ANKRD11: variants seen among roughly 807,000 people sequenced by gnomAD.
ANKRD11 encodes the protein ankyrin repeat domain-containing protein 11.
Under a neutral mutation model 195.7 loss-of-function variants are expected in ANKRD11, and 17 were observed. That is an observed-to-expected ratio of 0.09 (90% CI 0.06 to 0.13). The LOEUF is 0.13. Among genes scored for constraint, ANKRD11 ranks in the 10% least tolerant of loss-of-function variants. The probability of loss-of-function intolerance (pLI) is 1.00; values close to 1 mark genes in which losing one functional copy is unlikely to be tolerated. For missense variants in ANKRD11, 3,735 were observed against 3,566.1 expected, an observed-to-expected ratio of 1.05 and a Z score of -1.21; for synonymous variants, 1,953 against 1,528.1, an observed-to-expected ratio of 1.28 and a Z score of -6.49.
chr16:89,284,503 G>C lies in ANKRD11; in HGVS notation c.2039C>G (p.Thr680Ser), dbSNP rs145694621. Residue 680 changes from threonine to serine, a missense_variant, in exon 9 of 13, where the codon ACT (threonine) becomes AGT (serine). Physicochemically the swap from Thr to Ser is moderately conservative, Grantham distance 58. Coordinates refer to ENST00000301030, the MANE Select transcript of ANKRD11 (RefSeq NM_013275.6). ...CTTTAACACTTTTAGCTTGTTTTCA[G>C]TGGAAAGATCATTCTCTAACAGTAT... ...KAILLENDLS[T>S]ENKLKVLKHD... 24,790 of 1,613,962 alleles carry C rather than the reference G, an allele frequency of 0.015. 245 individuals are homozygous for C. The highest frequency in any genetic ancestry group is 0.018 in the Non-Finnish European group (21,242 of 1,180,010).
chr16:89,302,628 G>C (rs867525092), intron 4 of ANKRD11, among the ~76,000 whole-genome samples: 11 of 152,130 alleles, frequency 7.2e-5, no homozygotes, highest in Admixed American at 3.3e-4. Flanking sequence ...TCATACATCA[G>C]AACAATCTTC....
chr16:89,446,851 G>T (rs926499384), intron 1 of ANKRD11, among the ~76,000 whole-genome samples: 7 of 152,056 alleles, frequency 4.6e-5, no homozygotes, highest in Non-Finnish European at 1.0e-4. Flanking sequence ...GGGGCACAGA[G>T]GCTCTCGCCA....
At chr16:89,427,523 G>C (rs1020760124) in intron 1 of ANKRD11, among the ~76,000 whole-genome samples, 1 of 152,210 alleles carries the variant, frequency 6.6e-6, no homozygotes, top group Non-Finnish European at 1.5e-5. Flanking sequence ...AGGGGCCGGG[G>C]TGGTGGCTCA....
At chr16:89,316,833 C>T (rs914559523) in intron 3 of ANKRD11, 100 bp downstream of exon 3, 122 of 1,408,500 alleles carry the variant, frequency 8.7e-5, no homozygotes, top group Non-Finnish European at 9.2e-5. Flanking sequence ...AGGAAAGGGC[C>T]GGAGGGCGGA....
At chr16:89,478,459 A>G (rs1045633688) in intron 1 of ANKRD11, among the ~76,000 whole-genome samples, 3 of 152,116 alleles carry the variant, frequency 2.0e-5, no homozygotes, top group African/African-American at 7.2e-5. Context: ...ATCCTCCTAC[A>G]GCCCCCACCC....
intron 2 of ANKRD11, among the ~76,000 whole-genome samples, chr16:89,409,923 T>C (rs535383794): frequency 1.1e-4 from 17 of 152,208 alleles, no homozygotes; most frequent in Non-Finnish European, 2.1e-4. Flanking sequence ...CACTGCAAGC[T>C]CCGCCTCCCG....
intron 2 of ANKRD11, among the ~76,000 whole-genome samples, chr16:89,407,217 G>A (rs544725128): frequency 7.3e-5 from 11 of 151,592 alleles, no homozygotes; most frequent in South Asian, 2.1e-4. Context: ...CACGCAGACA[G>A]AAAAGAATGA....
At chr16:89,366,915 T>C (rs774365306) in intron 2 of ANKRD11, among the ~76,000 whole-genome samples, 2 of 152,210 alleles carry the variant, frequency 1.3e-5, no homozygotes, top group Non-Finnish European at 2.9e-5. Flanking sequence ...CCTTTAAGAA[T>C]GTGAAGACCA....
intron 1 of ANKRD11, among the ~76,000 whole-genome samples, chr16:89,422,655 AAC>A (rs2042564151): frequency 6.6e-6 from 1 of 152,180 alleles, no homozygotes. Flanking sequence ...GCTCTCGACG[AAC>A]AGTCACAGCC....
At chr16:89,446,693 T>C (rs1186556672) in intron 1 of ANKRD11, among the ~76,000 whole-genome samples, 1 of 152,156 alleles carries the variant, frequency 6.6e-6, no homozygotes, top group Non-Finnish European at 1.5e-5. Flanking sequence ...GAGATCCTTG[T>C]GGCAGGACCC....
intron 2 of ANKRD11, chr16:89,323,116 T>C: frequency 3.0e-6 from 1 of 331,262 alleles, no homozygotes; most frequent in Non-Finnish European, 5.9e-6. Context: ...CTGCCGGCTG[T>C]TGTGCGCTCC....
intron 2 of ANKRD11, among the ~76,000 whole-genome samples, chr16:89,344,791 C>A (rs1053853500): frequency 6.6e-6 from 1 of 152,144 alleles, no homozygotes; most frequent in South Asian, 2.1e-4. Flanking sequence ...AGGCCAGAGG[C>A]GGCTGGAGCA....
At chr16:89,294,351 G>GC (rs1401575992) in intron 4 of ANKRD11, among the ~76,000 whole-genome samples, 1 of 152,086 alleles carries the variant, frequency 6.6e-6, no homozygotes, top group Non-Finnish European at 1.5e-5. Flanking sequence ...TTTTCACCCA[G>GC]CTCTCCCTGT....
At chr16:89,287,963 C>G in intron 7 of ANKRD11, 1 of 463,848 alleles carries the variant, frequency 2.2e-6, no homozygotes, top group South Asian at 5.5e-5. Flanking sequence ...AGACCCGCCG[C>G]ATCTCCAGGC....
chr16:89,269,119 T>C (rs1446245608), intron 12 of ANKRD11, among the ~76,000 whole-genome samples: 1 of 152,212 alleles, frequency 6.6e-6, no homozygotes, highest in Non-Finnish European at 1.5e-5. Context: ...TGGAAACTAA[T>C]GGAGAAATGG....
intron 1 of ANKRD11, among the ~76,000 whole-genome samples, chr16:89,489,361 T>G (rs1357587586): frequency 6.6e-6 from 1 of 151,714 alleles, no homozygotes; most frequent in Non-Finnish European, 1.5e-5. Flanking sequence ...AGGGCTGCTG[T>G]TGCAGCCGCC....
At chr16:89,469,179 CAA>C (rs780212666) in intron 1 of ANKRD11, among the ~76,000 whole-genome samples, 2 of 139,576 alleles carry the variant, frequency 1.4e-5, no homozygotes, top group Non-Finnish European at 3.1e-5. Flanking sequence ...GGCTCTGTTT[CAA>C]AAAAAAAAAG....
rs2040935109 is a variant in ANKRD11 at position 89,386,869 on chromosome 16, A to C, written c.-60+31415T>G. On this transcript the variant is annotated intron_variant, in intron 2 of 12. Transcript: ENST00000301030. ...CACAGCCAGAGCTGTGTGCGAACAG[A>C]CAAGCCCTGAGAAGTGTGCCAGCAA... 2.6e-5 allele frequency among the ~76,000 whole-genome samples: 4 copies of C among 152,240 alleles called. No homozygotes were observed. The Middle Eastern group carries it at 0.01, about 388-fold the overall frequency.
In ANKRD11 at chr16:89,367,265, G is replaced by A. The variant is rs1435347434; in HGVS notation, c.-59-50187C>T. Among the ~76,000 whole-genome samples the A allele has an allele frequency of 3.9e-5, 6 of 152,220 alleles. No individual in the cohort carries two copies. In the East Asian group the frequency reaches 5.8e-4, roughly 15 times the overall value. On this transcript the variant is annotated intron_variant, in intron 2 of 12. Coordinates refer to ENST00000301030, the MANE Select transcript of ANKRD11 (RefSeq NM_013275.6). ...GCGTTCTCTCAGGGGTGGGTAGAGC[G>A]CCGCTCCAGACTCCTGCCGCAGGGG... is the stretch of plus-strand genomic sequence containing the variant.
Sources: allele counts gnomAD v4.1 joint callset (sites outside exome capture counted in the v4.1 genomes callset), GRCh38; gene constraint gnomAD v4.1.1; transcripts MANE v1.5; gene names NCBI Gene and HGNC (gene_info 2026-07-23, HGNC 2026-07-21).